The following HTR4 variants were observed in gnomAD, a reference collection of about 807,000 sequenced individuals.
The protein encoded by HTR4 is 5-hydroxytryptamine receptor 4.
In HTR4, 16 loss-of-function variants were observed where a neutral mutation model predicts 36.8. The ratio of observed to expected loss-of-function variants is 0.43; its 90% CI spans 0.29 to 0.66. The LOEUF (loss-of-function observed/expected upper bound fraction) is 0.66, where lower values mean the gene tolerates loss of function less well. Among genes scored for constraint, HTR4 ranks in the 30% least tolerant of loss-of-function variants. The pLI is 0.13. For missense variants in HTR4, 438 were observed against 490.9 expected, an observed-to-expected ratio of 0.89 and a Z score of 1.02; for synonymous variants, 189 against 185.1, an observed-to-expected ratio of 1.02 and a Z score of -0.17.
chr5:148,587,100 G>A (rs1029348346), intron 2 of HTR4, among the ~76,000 whole-genome samples: 3 of 152,204 alleles, frequency 2.0e-5, no homozygotes, highest in South Asian at 2.1e-4. Flanking sequence ...GAAACTTATC[G>A]TACCTGCTGG....
chr5:148,510,059 G>C (rs775478394), intron 5 of HTR4, 35 bp from the exon 6 acceptor site: 1 of 1,419,254 alleles, frequency 7.0e-7, no homozygotes, highest in African/African-American at 1.4e-5. Context: ...ATGAGGAAAG[G>C]AGGTAAAAAG....
At chr5:148,562,934 C>G (rs1301084593) in intron 2 of HTR4, among the ~76,000 whole-genome samples, 2 of 152,184 alleles carry the variant, frequency 1.3e-5, no homozygotes, top group African/African-American at 4.8e-5. Context: ...ACTGCAAAGT[C>G]CTCTCAACTG....
intron 2 of HTR4, among the ~76,000 whole-genome samples, chr5:148,619,727 C>A (rs976202932): frequency 6.6e-6 from 1 of 151,726 alleles, no homozygotes; most frequent in Non-Finnish European, 1.5e-5. Flanking sequence ...CCTGGTCCAG[C>A]CAAGATTGTA....
At chr5:148,545,119 G>A (rs1035919562) in intron 4 of HTR4, among the ~76,000 whole-genome samples, 2 of 152,214 alleles carry the variant, frequency 1.3e-5, no homozygotes, top group African/African-American at 4.8e-5. Flanking sequence ...TAATGTTCAG[G>A]ATGGACCCTC....
intron 5 of HTR4, among the ~76,000 whole-genome samples, chr5:148,457,486 C>T (rs1047074933): frequency 1.3e-5 from 2 of 151,900 alleles, no homozygotes; most frequent in Non-Finnish European, 2.9e-5. Context: ...TAATAATAGC[C>T]CCCTCTGCCT....
chr5:148,607,989 G>A (rs530216658), intron 2 of HTR4, among the ~76,000 whole-genome samples: 4 of 152,194 alleles, frequency 2.6e-5, no homozygotes, highest in African/African-American at 4.8e-5. Flanking sequence ...GGAGGGCGAC[G>A]GCTAAGATGA....
intron 2 of HTR4, among the ~76,000 whole-genome samples, chr5:148,600,861 A>G (rs1268349576): frequency 6.6e-6 from 1 of 151,688 alleles, no homozygotes; most frequent in Non-Finnish European, 1.5e-5. Context: ...ATAGCAAAAT[A>G]AATAGCCAAA....
chr5:148,519,011 A>T (rs536864756), intron 5 of HTR4, among the ~76,000 whole-genome samples: 60 of 151,974 alleles, frequency 3.9e-4, no homozygotes, highest in African/African-American at 1.4e-3. Context: ...ATGAACTGAA[A>T]TTTTTTTTAC....
At chr5:148,644,775 C>A (rs1186890798) in intron 1 of HTR4, 1 of 152,070 alleles carries the variant, frequency 6.6e-6, no homozygotes, top group African/African-American at 2.4e-5. Flanking sequence ...TCTCAGGCAC[C>A]CCCAATTTAT....
intron 6 of HTR4, among the ~76,000 whole-genome samples, chr5:148,495,927 C>T (rs1189083981): frequency 6.6e-6 from 1 of 152,008 alleles, no homozygotes; most frequent in Non-Finnish European, 1.5e-5. Context: ...ATGGGGAAAC[C>T]CTGTCTCTAT....
rs773040493 is a variant in HTR4 at position 148,615,707 on chromosome 5, A to ATAAATAAAAT, written c.26+21281_26+21282insATTTTATTTA. Among the ~76,000 whole-genome samples the ATAAATAAAAT allele has an allele frequency of 4.8e-3, 567 of 117,296 alleles. 3 individuals carry two copies. Among genetic ancestry groups the ATAAATAAAAT allele is most frequent in the African/African-American group, 0.015 (533 of 35,394 alleles). 77.0% of individuals were successfully genotyped at this position (117,296 alleles called of 152,430 possible). ...ATTAAAAAAATAAAGAAAGAAAGAA[A>ATAAATAAAAT]GAAATAAAATAAAATAAAATAAAAT... On this transcript the variant is annotated intron_variant, in intron 2 of 6. Coordinates refer to ENST00000377888, the MANE Select transcript of HTR4 (RefSeq NM_000870.7).
chr5:148,473,071 G>A (rs1361652768), downstream of HTR4, among the ~76,000 whole-genome samples: 8 of 152,044 alleles, frequency 5.3e-5, no homozygotes, highest in East Asian at 1.9e-4. Context: ...AGGCCGAGGC[G>A]GGTGGATCAC....
chr5:148,525,257 T>C (rs1207970958), intron 4 of HTR4, among the ~76,000 whole-genome samples: 2 of 152,244 alleles, frequency 1.3e-5, no homozygotes, highest in Admixed American at 6.5e-5. Context: ...TGAATGGTGA[T>C]ATTCATAATC....
At chr5:148,610,481 G>A (rs1469481102) in intron 2 of HTR4, among the ~76,000 whole-genome samples, 1 of 152,044 alleles carries the variant, frequency 6.6e-6, no homozygotes, top group Non-Finnish European at 1.5e-5. Context: ...CTGCTACAAG[G>A]AAAACTAACA....
At chr5:148,529,594 G>A (rs912422924) in intron 4 of HTR4, among the ~76,000 whole-genome samples, 1 of 152,158 alleles carries the variant, frequency 6.6e-6, no homozygotes, top group Non-Finnish European at 1.5e-5. Flanking sequence ...CCCAGTCTTG[G>A]GTATGTCTTT....
rs746673417 is a variant in HTR4, at chr5:148,509,703, C to T, written c.829G>A (p.Val277Ile). 1.9e-6 allele frequency: 3 copies of T among 1,614,082 alleles called. No homozygotes were observed. The highest frequency in any genetic ancestry group is 1.7e-6 in the Non-Finnish European group (2 of 1,180,002). Residue 277 changes from valine (V) to isoleucine (I), a missense_variant, in exon 6 of 7, where the codon GTC becomes ATC. Val to Ile is a conservative substitution (Grantham distance 29, BLOSUM62 3). Coordinates refer to ENST00000377888, the MANE Select transcript of HTR4 (RefSeq NM_000870.7). The stretch of plus-strand genomic sequence containing the variant: ...ATGAAAGGATCCACAATATTGGTGA[C>T]AAAGAATGGTGCCCAGCAGAGGCAG... ...CFCLCWAPFF[V>I]TNIVDPFIDY...
intron 1 of HTR4, among the ~76,000 whole-genome samples, chr5:148,642,495 G>A (rs949577516): frequency 5.3e-5 from 8 of 152,114 alleles, no homozygotes; most frequent in Non-Finnish European, 1.0e-4. Context: ...CCAGATATTG[G>A]ATAAGAATTA....
chr5:148,616,346 C>G (rs1301144067), intron 2 of HTR4, among the ~76,000 whole-genome samples: 1 of 152,018 alleles, frequency 6.6e-6, no homozygotes, highest in Non-Finnish European at 1.5e-5. Flanking sequence ...GTAAAAATGG[C>G]CTGTTTCTAT....
intron 4 of HTR4, among the ~76,000 whole-genome samples, chr5:148,537,929 A>G (rs1441424350): frequency 2.6e-5 from 4 of 152,090 alleles, no homozygotes; most frequent in Non-Finnish European, 4.4e-5. Flanking sequence ...GAGAAACAAC[A>G]ACAAGAAGTC....
Sources: gnomAD v4.1 joint callset for allele counts (sites outside exome capture counted in the v4.1 genomes callset) on GRCh38, gnomAD v4.1.1 for gene constraint, MANE v1.5 for transcripts, NCBI Gene and HGNC (gene_info 2026-07-23, HGNC 2026-07-21) for gene names.